SATB1: variants seen among roughly 807,000 people sequenced by gnomAD.
SATB1 encodes the protein DNA-binding protein SATB1.
A neutral mutation model predicts 86.9 loss-of-function variants in SATB1; 11 were observed. The observed-to-expected ratio is 0.13, with a 90% confidence interval of 0.08 to 0.21. The LOEUF (loss-of-function observed/expected upper bound fraction) is 0.21, where lower values mean the gene tolerates loss of function less well. Ranked by LOEUF, SATB1 falls within the 10% of genes least tolerant of loss-of-function variation. The probability of loss-of-function intolerance (pLI) is 1.00; values close to 1 mark genes in which losing one functional copy is unlikely to be tolerated. For synonymous variants in SATB1, 357 were observed against 357.2 expected (o/e 1.00, Z 0.01); for missense variants, 551 against 937.6 (o/e 0.59, Z 5.39).
At chr3:18,390,625 C>T (rs1403239588) in intron 7 of SATB1, among the ~76,000 whole-genome samples, 1 of 152,134 alleles carries the variant, frequency 6.6e-6, no homozygotes, top group Non-Finnish European at 1.5e-5. Context: ...AGGCAAATTT[C>T]TCTCCACCAC....
intron 9 of SATB1, among the ~76,000 whole-genome samples, chr3:18,354,989 C>CTTCT (rs1694560138): frequency 1.3e-5 from 2 of 152,108 alleles, no homozygotes; most frequent in Non-Finnish European, 2.9e-5. Flanking sequence ...TTAAATAATA[C>CTTCT]TTCTAATTCC....
intron 1 of SATB1, chr3:18,445,045 G>A: frequency 4.0e-6 from 1 of 251,554 alleles, no homozygotes; most frequent in Non-Finnish European, 6.2e-6. Context: ...CCCCGCGGGA[G>A]CCCGCAGCCA....
intron 10 of SATB1, chr3:18,350,307 A>C (rs1337223967): frequency 6.6e-6 from 1 of 152,346 alleles, no homozygotes; most frequent in African/African-American, 2.4e-5. Flanking sequence ...CTGACACTGC[A>C]AGTTTTTTTC....
At chr3:18,402,333 C>T (rs1171043116) in intron 5 of SATB1, among the ~76,000 whole-genome samples, 1 of 150,928 alleles carries the variant, frequency 6.6e-6, no homozygotes. Flanking sequence ...GTGTCTTTAA[C>T]AACAACCAAA....
chr3:18,352,561 C>A lies in SATB1; in HGVS notation c.1576-366G>T. The A allele has an allele frequency of 9.1e-6, 2 of 219,998 alleles. No homozygotes were observed. Among genetic ancestry groups the A allele is most frequent in the South Asian group, 1.6e-4 (2 of 12,468 alleles). The allele number at this position is 219,998 out of a possible 1,614,324, so 13.6% of individuals were successfully genotyped here. A position where few individuals can be genotyped will look rare whatever the true frequency, so the allele number is the denominator to read the frequency against. On this transcript the variant is annotated intron_variant, in intron 9 of 10. Coordinates refer to ENST00000338745, the MANE Select transcript of SATB1 (RefSeq NM_002971.6). The surrounding 1 kb of genome is among the most constrained non-coding windows in gnomAD (Gnocchi z 4.1). ...ACGAGTGGCTGGCCATCTGAGGATA[C>A]GGAAGTGCCTAAGAGGCAGGACAGA...
chr3:18,394,961 G>A lies in SATB1; in HGVS notation c.752-45C>T, dbSNP rs1223270213. The A allele has an allele frequency of 1.0e-5, 14 of 1,391,466 alleles. No homozygotes were observed. The highest frequency in any genetic ancestry group is 1.4e-5 in the Non-Finnish European group (14 of 1,030,358). The allele number at this position is 1,391,466 out of a possible 1,614,324, so 86.2% of individuals were successfully genotyped here. ...AAATCACATTCAGCCAACAATGATT[G>A]GCATTGATAAAGATTTCTAACCATT... On this transcript the variant is annotated intron_variant, in intron 6 of 10. Coordinates refer to ENST00000338745, the MANE Select transcript of SATB1 (RefSeq NM_002971.6). This position sits in a 1 kb window ranked among gnomAD's most constrained non-coding sequence, Gnocchi z 5.9.
chr3:18,370,514 G>GAAAAAAAAAAAAA (rs1559407361), intron 9 of SATB1, among the ~76,000 whole-genome samples: 1 of 13,236 alleles, frequency 7.6e-5, no homozygotes, highest in Admixed American at 1.2e-3. Context: ...ACTGAGAGAG[G>GAAAAAAAAAAAAA]CAAAAAAAAA....
At chr3:18,392,021 A>G (rs896482060) in intron 7 of SATB1, among the ~76,000 whole-genome samples, 1 of 152,194 alleles carries the variant, frequency 6.6e-6, no homozygotes, top group Non-Finnish European at 1.5e-5. Context: ...ATATGGCCCT[A>G]TATCTACTTT....
At chr3:18,351,551 T>C in intron 10 of SATB1, 2 of 629,958 alleles carry the variant, frequency 3.2e-6, no homozygotes, top group Non-Finnish European at 5.5e-6. Context: ...CTCCTCTTTC[T>C]GGACAGAATC....
chr3:18,384,451 G>C (rs896571193), intron 8 of SATB1, among the ~76,000 whole-genome samples: 1 of 75,926 alleles, frequency 1.3e-5, no homozygotes. Context: ...CAAATATCTG[G>C]CTAGATGTTT....
chr3:18,349,188 A>G lies in SATB1; in HGVS notation c.2274T>C (p.Asn758=). 1 of 1,614,072 alleles carries G rather than the reference A, an allele frequency of 6.2e-7. No individual in the cohort carries two copies. The highest frequency in any genetic ancestry group is 2.2e-5 in the East Asian group (1 of 44,884). Residue 758 remains asparagine, a synonymous_variant, in exon 11 of 11, where the codon AAT becomes AAC. Transcript: ENST00000338745. The surrounding 1 kb of genome is among the most constrained non-coding windows in gnomAD (Gnocchi z 5.5). ...ELSVEGNTDI[N]TDLKD Reference sequence around the variant, plus strand: ...TTTTATCTCAGTCTTTCAAATCAGTATTAATGTCTGTGTTTCCTTCCACTG... The same window carrying G: ...TTTTATCTCAGTCTTTCAAATCAGTGTTAATGTCTGTGTTTCCTTCCACTG...
chr3:18,346,610 G>GTA lies in SATB1; in HGVS notation c.*2559_*2560insTA, dbSNP rs1224536435. 1 of 150,932 alleles carries GTA rather than the reference G, an allele frequency of 6.6e-6. No individual in the cohort carries two copies. The highest frequency in any genetic ancestry group is 2.4e-5 in the African/African-American group (1 of 41,142). The allele number at this position is 150,932 out of a possible 1,614,324, so 9.3% of individuals were successfully genotyped here. A position where few individuals can be genotyped will look rare whatever the true frequency, so the allele number is the denominator to read the frequency against. On this transcript the variant is annotated 3_prime_UTR_variant, in exon 11 of 11. Coordinates refer to ENST00000338745, the MANE Select transcript of SATB1 (RefSeq NM_002971.6). Reference sequence around the variant, plus strand: ...TGTGTGTGTGTGTGTGTGTGTGTATGTGTGGGCATTTAAAATATCAAATTA... The same window carrying GTA: ...TGTGTGTGTGTGTGTGTGTGTGTATGTATGTGGGCATTTAAAATATCAAATTA...
upstream of SATB1, chr3:18,425,394 G>C (rs893331726): frequency 2.8e-4 from 43 of 153,300 alleles, no homozygotes; most frequent in African/African-American, 9.2e-4. Flanking sequence ...AGGAGGAAGG[G>C]GGTGCGGAGC....
intron 9 of SATB1, among the ~76,000 whole-genome samples, chr3:18,371,001 T>A (rs1201808911): frequency 6.6e-6 from 1 of 152,194 alleles, no homozygotes; most frequent in Admixed American, 6.5e-5. Context: ...AGTCTGTGCA[T>A]CAACAAACTG....
chr3:18,425,399 C>CGGAGCCGAGGAGGAAGGCGGCGT (rs1163444184), upstream of SATB1: 4 of 143,262 alleles, frequency 2.8e-5, no homozygotes, highest in African/African-American at 5.3e-5. Context: ...GAAGGGGGTG[C>CGGAGCCGAGGAGGAAGGCGGCGT]GGAGCCGAGG....
chr3:18,367,467 T>C (rs922457593), intron 9 of SATB1, among the ~76,000 whole-genome samples: 1 of 152,188 alleles, frequency 6.6e-6, no homozygotes, highest in Non-Finnish European at 1.5e-5. Context: ...TGACTGAGGA[T>C]GGTGGATTCA....
Position 18,349,545 on chromosome 3 carries a change from C to T in SATB1, c.1917G>A (p.Glu639=). Residue 639 remains glutamate (E), a synonymous_variant, in exon 11 of 11, where the codon GAG becomes GAA. Coordinates refer to ENST00000338745, the MANE Select transcript of SATB1 (RefSeq NM_002971.6). The surrounding 1 kb of genome is among the most constrained non-coding windows in gnomAD (Gnocchi z 5.5). ...PTVASPAESD[E]ENRQKTRPRT... The stretch of plus-strand genomic sequence containing the variant: ...GTGGCCGGGTCTTCTGTCGGTTTTC[C>T]TCATCTGACTCTGCTGGAGAGGCCA... The T allele has an allele frequency of 1.2e-6, 2 of 1,614,096 alleles. No homozygotes were observed. The highest frequency in any genetic ancestry group is 1.7e-6 in the Non-Finnish European group (2 of 1,180,018).
In SATB1 at chr3:18,420,818, T is replaced by G; in HGVS notation, c.150A>C (p.Ala50=). 1 of 1,614,196 alleles carries G rather than the reference T, an allele frequency of 6.2e-7. No homozygotes were observed. The highest frequency in any genetic ancestry group is 8.5e-7 in the Non-Finnish European group (1 of 1,180,040). The change falls in exon 2 of 11, where the codon GCA becomes GCC. Residue 50 remains alanine, a synonymous_variant. Transcript: ENST00000338745. ...GTTTTAAAGGCACTCCCTGCATTTTTGCACCTGTACTCCCAAGCCTTCCTC... is the reference window on the plus strand; with the variant it reads ...GTTTTAAAGGCACTCCCTGCATTTTGGCACCTGTACTCCCAAGCCTTCCTC... ...LGRGRLGSTG[A]KMQGVPLKHS...
At chr3:18,350,391 A>G (rs1347957329) in intron 10 of SATB1, 2 of 152,070 alleles carry the variant, frequency 1.3e-5, no homozygotes, top group African/African-American at 4.9e-5. Context: ...AGATGTGGTT[A>G]GGATTTAAAT....
Sources: allele counts gnomAD v4.1 joint callset (sites outside exome capture counted in the v4.1 genomes callset), GRCh38; gene constraint gnomAD v4.1.1; non-coding constraint Gnocchi (gnomAD v3.1); transcripts MANE v1.5; gene names NCBI Gene and HGNC (gene_info 2026-07-23, HGNC 2026-07-21).